The following GALNTL6 variants were observed in gnomAD, a reference collection of about 807,000 sequenced individuals.
GALNTL6 encodes polypeptide N-acetylgalactosaminyltransferase-like 6.
In GALNTL6, 46 loss-of-function variants were observed where a neutral mutation model predicts 73.7. The observed-to-expected ratio is 0.62, with a 90% CI of 0.49 to 0.80. The LOEUF is 0.80. GALNTL6 is among the 30% of genes least tolerant of loss of function. The pLI is 0.00. For missense variants in GALNTL6, 604 were observed against 755.0 expected (o/e 0.80, Z 2.34); for synonymous variants, 259 against 263.7 (o/e 0.98, Z 0.17).
intron 5 of GALNTL6, among the ~76,000 whole-genome samples, chr4:172,808,086 G>A (rs922092616): frequency 1.8e-4 from 27 of 152,290 alleles, no homozygotes; most frequent in Non-Finnish European, 3.4e-4. Context: ...GCCTCCCAAA[G>A]TGCTGAGATT....
At chr4:172,093,938 G>A (rs765118156) in intron 2 of GALNTL6, among the ~76,000 whole-genome samples, 5 of 152,124 alleles carry the variant, frequency 3.3e-5, no homozygotes, top group Non-Finnish European at 7.3e-5. Context: ...ATATTACAAT[G>A]TCATAATAGA....
chr4:172,502,702 G>T (rs1172532777), intron 5 of GALNTL6, among the ~76,000 whole-genome samples: 1 of 152,180 alleles, frequency 6.6e-6, no homozygotes, highest in African/African-American at 2.4e-5. Flanking sequence ...CTTTAGTAAA[G>T]ACATAAAGAA....
chr4:172,255,271 T>C (rs1245826349), intron 3 of GALNTL6, among the ~76,000 whole-genome samples: 1 of 109,536 alleles, frequency 9.1e-6, no homozygotes, highest in Admixed American at 9.4e-5. Flanking sequence ...TACCGCAATG[T>C]GGTTTGTAGG....
intron 5 of GALNTL6, among the ~76,000 whole-genome samples, chr4:172,706,169 TTTTA>T (rs1734341146): frequency 6.6e-6 from 1 of 152,038 alleles, no homozygotes; most frequent in African/African-American, 2.4e-5. Flanking sequence ...CTTTTTTCTC[TTTTA>T]TTTATTTCCA....
At chr4:172,629,220 C>G (rs903642933) in intron 5 of GALNTL6, among the ~76,000 whole-genome samples, 1 of 152,068 alleles carries the variant, frequency 6.6e-6, no homozygotes, top group African/African-American at 2.4e-5. Context: ...TCAAGAGGAA[C>G]AAATTGTTCA....
chr4:172,058,542 G>T (rs1045954595), intron 2 of GALNTL6, among the ~76,000 whole-genome samples: 1 of 151,928 alleles, frequency 6.6e-6, no homozygotes, highest in African/African-American at 2.4e-5. Flanking sequence ...GTGTCTGTGT[G>T]TGTGTGCATG....
chr4:172,354,668 G>A (rs1272009479), intron 5 of GALNTL6, among the ~76,000 whole-genome samples: 1 of 152,038 alleles, frequency 6.6e-6, no homozygotes, highest in Non-Finnish European at 1.5e-5. Flanking sequence ...AAAAGTCTTT[G>A]TGCATTCGTA....
chr4:172,478,268 T>C (rs140730030), intron 5 of GALNTL6, among the ~76,000 whole-genome samples: 1 of 152,316 alleles, frequency 6.6e-6, no homozygotes, highest in Middle Eastern at 3.4e-3. Context: ...CTTTGTTTGC[T>C]ACAAGGCTGT....
intron 3 of GALNTL6, among the ~76,000 whole-genome samples, chr4:172,262,354 A>G (rs1738286025): frequency 6.6e-6 from 1 of 151,052 alleles, no homozygotes; most frequent in African/African-American, 2.4e-5. Flanking sequence ...TTCCATTTGA[A>G]TTACTTTTTT....
At chr4:172,303,075 C>T (rs914890364) in intron 3 of GALNTL6, among the ~76,000 whole-genome samples, 1 of 152,154 alleles carries the variant, frequency 6.6e-6, no homozygotes, top group African/African-American at 2.4e-5. Flanking sequence ...TTTTGGCTCA[C>T]TACAACCTCT....
intron 3 of GALNTL6, among the ~76,000 whole-genome samples, chr4:172,297,134 C>G (rs1050938114): frequency 2.6e-5 from 4 of 152,078 alleles, no homozygotes; most frequent in Non-Finnish European, 5.9e-5. Flanking sequence ...TTTTTCATGT[C>G]TCTGTTGGCT....
chr4:172,013,640 T>G (rs969084397), intron 2 of GALNTL6, among the ~76,000 whole-genome samples: 3 of 152,102 alleles, frequency 2.0e-5, no homozygotes, highest in Non-Finnish European at 4.4e-5. Flanking sequence ...GCCTGTAATG[T>G]GTAATGATCA....
chr4:172,079,588 T>C (rs533132892), intron 2 of GALNTL6, among the ~76,000 whole-genome samples: 1 of 152,262 alleles, frequency 6.6e-6, no homozygotes, highest in East Asian at 1.9e-4. Context: ...AATATTATCA[T>C]GATAACTAAA....
chr4:171,823,569 G>GTATA (rs1224406814), intron 2 of GALNTL6, among the ~76,000 whole-genome samples: 1 of 107,690 alleles, frequency 9.3e-6, no homozygotes, highest in African/African-American at 2.8e-5. Context: ...ATATATATAT[G>GTATA]TATATATATA....
At chr4:171,964,567 C>A (rs1337492746) in intron 2 of GALNTL6, among the ~76,000 whole-genome samples, 1 of 152,050 alleles carries the variant, frequency 6.6e-6, no homozygotes, top group Non-Finnish European at 1.5e-5. Context: ...TTTCTTGTTC[C>A]CCGAACATAC....
chr4:172,482,244 T>G (rs1245220471), intron 5 of GALNTL6, among the ~76,000 whole-genome samples: 2 of 152,178 alleles, frequency 1.3e-5, no homozygotes, highest in Non-Finnish European at 2.9e-5. Context: ...GATTCCCACC[T>G]GCGCCTCTCC....
chr4:172,543,401 G>T (rs770142140), intron 5 of GALNTL6, among the ~76,000 whole-genome samples: 16 of 152,166 alleles, frequency 1.1e-4, no homozygotes, highest in Non-Finnish European at 1.9e-4. Flanking sequence ...AGGTGGTTTT[G>T]GTGCCCAACA....
intron 2 of GALNTL6, among the ~76,000 whole-genome samples, chr4:172,211,411 A>G (rs76445555): frequency 0.01 from 1,527 of 152,308 alleles, 27 homozygotes; most frequent in African/African-American, 0.035. Context: ...ATGAGTTCAT[A>G]CTTAGGTCTC....
chr4:171,968,421 A>G (rs1027627152), intron 2 of GALNTL6, among the ~76,000 whole-genome samples: 1 of 152,004 alleles, frequency 6.6e-6, no homozygotes, highest in Admixed American at 6.6e-5. Context: ...TTTAAACACA[A>G]CACCGTAATC....
Sources: gnomAD v4.1 joint callset for allele counts (sites outside exome capture counted in the v4.1 genomes callset) on GRCh38, gnomAD v4.1.1 for gene constraint, MANE v1.5 for transcripts, NCBI Gene and HGNC (gene_info 2026-07-23, HGNC 2026-07-21) for gene names.